Variants in EXOC4 observed in about 807,000 individuals in gnomAD.
The protein encoded by EXOC4 is exocyst complex component 4, also known as SEC8-like 1.
EXOC4 carries 71 observed loss-of-function variants against 107.2 expected under a neutral mutation model. The observed-to-expected ratio is 0.66, with a 90% confidence interval of 0.55 to 0.81. EXOC4 has a LOEUF of 0.81. EXOC4 is among the 30% of genes least tolerant of loss of function. The pLI, the probability that EXOC4 is intolerant of heterozygous loss-of-function variation, is 0.00. For missense variants in EXOC4, 1,108 were observed against 1,189.6 expected (o/e 0.93, Z 1.01); for synonymous variants, 456 against 441.2 (o/e 1.03, Z -0.42).
chr7:133,266,988 T>A (rs1793745359), intron 1 of EXOC4, among the ~76,000 whole-genome samples: 1 of 152,238 alleles, frequency 6.6e-6, no homozygotes, highest in Admixed American at 6.5e-5. Flanking sequence ...CACTTCATAT[T>A]AACTTTGCTT....
intron 14 of EXOC4, among the ~76,000 whole-genome samples, chr7:133,971,359 TATAGAGAGAGAG>T (rs1323697334): frequency 9.3e-5 from 9 of 96,732 alleles, no homozygotes; most frequent in Middle Eastern, 5.1e-3. Context: ...TATATATATA[TATAGAGAGAGAG>T]AGAGAGAGAG....
chr7:133,888,497 C>CA (rs1303825049), intron 11 of EXOC4, among the ~76,000 whole-genome samples: 4 of 152,170 alleles, frequency 2.6e-5, no homozygotes, highest in African/African-American at 9.6e-5. Flanking sequence ...GAGGCATGAA[C>CA]TAATGGTTTA....
chr7:133,305,777 G>A, intron 3 of EXOC4, 100 bp from the exon 4 acceptor site: 1 of 882,784 alleles, frequency 1.1e-6, no homozygotes, highest in South Asian at 2.0e-5. Context: ...GTTCTCGTAA[G>A]CTCCCTTTGT....
At chr7:133,870,044 C>A (rs1051703421) in intron 11 of EXOC4, among the ~76,000 whole-genome samples, 1 of 152,106 alleles carries the variant, frequency 6.6e-6, no homozygotes, top group African/African-American at 2.4e-5. Context: ...GCTAATCTTT[C>A]AATTCAGCAA....
rs59000979 is a variant in EXOC4 at position 133,853,345 on chromosome 7, A to AACACACACACAC, written c.1734+35843_1734+35854dup. Among the ~76,000 whole-genome samples the AACACACACACAC allele has an allele frequency of 6.1e-5, 7 of 115,572 alleles. No homozygotes were observed. In the East Asian group the frequency reaches 8.5e-4, roughly 14 times the overall value. The allele number at this position is 115,572 out of a possible 152,430, so 75.8% of individuals were successfully genotyped here. A position where few individuals can be genotyped will look rare whatever the true frequency, so the allele number is the denominator to read the frequency against. On this transcript the variant is annotated intron_variant, in intron 11 of 17. Transcript: ENST00000253861. The stretch of plus-strand genomic sequence containing the variant: ...TCTGTCTCTCTCTCTCTCTCTCTTT[A>AACACACACACAC]ACACACACACACACACACACACACA...
At chr7:133,630,824 T>C (rs1053347774) in intron 10 of EXOC4, among the ~76,000 whole-genome samples, 1 of 152,196 alleles carries the variant, frequency 6.6e-6, no homozygotes, top group Admixed American at 6.5e-5. Flanking sequence ...GCTCAGTTCA[T>C]TGTGATAACA....
Position 133,971,858 on chromosome 7 carries a change from C to T in EXOC4, c.2207-25634C>T, listed in dbSNP as rs557144458. Among the ~76,000 whole-genome samples, 12 of 152,302 alleles carry T rather than the reference C, an allele frequency of 7.9e-5. No homozygotes were observed. In the South Asian group the frequency reaches 2.1e-3, roughly 26 times the overall value. On this transcript the variant is annotated intron_variant, in intron 14 of 17. Transcript: ENST00000253861. ...TAGTGTTTACTGAGCTGATGGAGAC[C>T]GCAGTCAGGCCTGCTTATCACAGCT...
chr7:133,259,543 A>G (rs928175408), intron 1 of EXOC4, among the ~76,000 whole-genome samples: 5 of 151,858 alleles, frequency 3.3e-5, no homozygotes, highest in Non-Finnish European at 5.9e-5. Flanking sequence ...TATTTTCTTC[A>G]CCAGCATTAT....
chr7:133,286,807 CT>C (rs1310061593), intron 2 of EXOC4, among the ~76,000 whole-genome samples: 1 of 152,058 alleles, frequency 6.6e-6, no homozygotes, highest in Non-Finnish European at 1.5e-5. Flanking sequence ...CCCACTTTGA[CT>C]TCATCCTCCT....
intron 7 of EXOC4, among the ~76,000 whole-genome samples, chr7:133,440,560 A>G (rs1798080424): frequency 1.3e-5 from 2 of 152,168 alleles, no homozygotes; most frequent in Admixed American, 6.5e-5. Flanking sequence ...GGTGGTTTTA[A>G]GTCACAGGAT....
intron 7 of EXOC4, among the ~76,000 whole-genome samples, chr7:133,448,096 A>T (rs1464993667): frequency 6.6e-6 from 1 of 152,148 alleles, no homozygotes; most frequent in African/African-American, 2.4e-5. Context: ...CTGTGGGTTA[A>T]AAAGTGGCTC....
intron 17 of EXOC4, among the ~76,000 whole-genome samples, chr7:134,051,117 G>T (rs10241422): frequency 0.1 from 15,813 of 152,186 alleles, 1,379 homozygotes; most frequent in African/African-American, 0.24. Context: ...AAATTCAGTG[G>T]CTAGGGAGGC....
At chr7:133,404,885 TACACACACACACACACACGC>T (rs1797179742) in intron 7 of EXOC4, among the ~76,000 whole-genome samples, 1 of 94,184 alleles carries the variant, frequency 1.1e-5, no homozygotes, top group East Asian at 3.2e-4. Flanking sequence ...CCCCCCCCAA[TACACACACACACACACACGC>T]ACACACACAC....
At chr7:133,641,303 G>A (rs1802848750) in intron 10 of EXOC4, among the ~76,000 whole-genome samples, 1 of 152,120 alleles carries the variant, frequency 6.6e-6, no homozygotes, top group Admixed American at 6.5e-5. Context: ...AGTGATGGGG[G>A]CAGTTTTAAA....
In EXOC4 at chr7:134,034,763, G is replaced by A. The variant is rs546765693; in HGVS notation, c.2687+26928G>A. Among the ~76,000 whole-genome samples the A allele has an allele frequency of 3.3e-5, 5 of 152,304 alleles. No individual in the cohort carries two copies. The South Asian group carries it at 1.0e-3, about 32-fold the overall frequency. On this transcript the variant is annotated intron_variant, in intron 17 of 17. Transcript: ENST00000253861. ...GCAGTATGAAAACGGACTAATACAG[G>A]TTGTAAGTGACTGATAGAGAAGGAA... is the stretch of plus-strand genomic sequence containing the variant.
chr7:133,394,704 G>A (rs1796932212), intron 7 of EXOC4, among the ~76,000 whole-genome samples: 1 of 152,090 alleles, frequency 6.6e-6, no homozygotes, highest in Admixed American at 6.6e-5. Flanking sequence ...AAACATAAAA[G>A]TCATATTAAT....
chr7:133,571,047 T>C (rs535519284), intron 9 of EXOC4, among the ~76,000 whole-genome samples: 1 of 152,344 alleles, frequency 6.6e-6, no homozygotes, highest in Non-Finnish European at 1.5e-5. Flanking sequence ...TTTACAATTA[T>C]TTCAAACTCT....
chr7:133,376,796 A>G (rs1455636502), intron 7 of EXOC4, among the ~76,000 whole-genome samples: 1 of 152,182 alleles, frequency 6.6e-6, no homozygotes, highest in Non-Finnish European at 1.5e-5. Context: ...CCTTATGAGT[A>G]GGGCTATTCT....
At chr7:133,392,640 G>A (rs1796878801) in intron 7 of EXOC4, among the ~76,000 whole-genome samples, 1 of 152,188 alleles carries the variant, frequency 6.6e-6, no homozygotes, top group Admixed American at 6.5e-5. Context: ...ACTGTGTCCT[G>A]TAGAAATGTG....
Sources: allele counts gnomAD v4.1 joint callset (sites outside exome capture counted in the v4.1 genomes callset), GRCh38; gene constraint gnomAD v4.1.1; transcripts MANE v1.5; gene names NCBI Gene and HGNC (gene_info 2026-07-23, HGNC 2026-07-21).